The following CAMSAP1 variants were observed in gnomAD, a reference collection of about 807,000 sequenced individuals.
CAMSAP1 encodes calmodulin regulated spectrin associated protein 1.
Under a neutral mutation model 143.5 loss-of-function variants are expected in CAMSAP1, and 58 were observed. The ratio of observed to expected loss-of-function variants is 0.40; its 90% CI spans 0.33 to 0.50. The LOEUF (loss-of-function observed/expected upper bound fraction) is 0.50. CAMSAP1 is among the 20% of genes least tolerant of loss of function. The probability of loss-of-function intolerance (pLI) is 0.45; values close to 1 mark genes in which losing one functional copy is unlikely to be tolerated. For synonymous variants in CAMSAP1, 945 were observed against 859.3 expected, an observed-to-expected ratio of 1.10 and a Z score of -1.74; for missense variants, 1,969 against 2,115.7, an observed-to-expected ratio of 0.93 and a Z score of 1.36.
chr9:135,819,150 C>T lies in CAMSAP1; in HGVS notation c.3823-4G>A, dbSNP rs1235672357. The T allele has an allele frequency of 6.2e-7, 1 of 1,600,092 alleles. No individual in the cohort carries two copies. Among genetic ancestry groups the T allele is most frequent in the Non-Finnish European group, 8.5e-7 (1 of 1,174,868 alleles). On this transcript the variant is annotated splice_polypyrimidine_tract_variant and splice_region_variant and intron_variant, in intron 11 of 16. Transcript: ENST00000389532. ...CATCTTCCGCTTTCTGTTCATCCTG[C>T]AAGACAGAGGCCACACAGAGCATGA...
rs900139381 is a variant in CAMSAP1 at position 135,811,736 on chromosome 9, G to A, written c.4507-125C>T. ...GGAAGCTCTCCCACCCGTCAGCTAC[G>A]GCCTGCCTGTTGTAAACAATTACAG... On this transcript the variant is annotated intron_variant, in intron 16 of 16. Transcript: ENST00000389532. This position sits in a 1 kb window ranked among gnomAD's most constrained non-coding sequence, Gnocchi z 4.9. The A allele has an allele frequency of 1.6e-5, 14 of 851,926 alleles. No individual in the cohort carries two copies. Among genetic ancestry groups the A allele is most frequent in the South Asian group, 6.9e-5 (4 of 57,952 alleles). 52.8% of individuals were successfully genotyped at this position (851,926 alleles called of 1,614,324 possible). A position where few individuals can be genotyped will look rare whatever the true frequency, so the allele number is the denominator to read the frequency against.
At position 135,821,169 on chromosome 9, in the gene CAMSAP1, A is replaced by C. The variant is rs1434788645; in HGVS notation, c.3492T>G (p.Cys1164Trp). The C allele has an allele frequency of 1.9e-6, 3 of 1,611,278 alleles. No homozygotes were observed. Among genetic ancestry groups the C allele is most frequent in the Non-Finnish European group, 2.5e-6 (3 of 1,179,884 alleles). Residue 1164 changes from cysteine to tryptophan, a missense_variant, in exon 11 of 17, where the codon TGT (cysteine) becomes TGG (tryptophan). By Grantham distance (215) the Cys-to-Trp change is radical. Around this residue, in one of 4 missense-constraint regions of CAMSAP1, gnomAD observed 1,390 missense variants for 1,420.8 expected, o/e 0.98. Coordinates refer to ENST00000389532, the MANE Select transcript of CAMSAP1 (RefSeq NM_015447.4). This position sits in a 1 kb window ranked among gnomAD's most constrained non-coding sequence, Gnocchi z 4.6. The stretch of plus-strand genomic sequence containing the variant: ...CATGGAGCCTGTAACTGTCGAAGAG[A>C]CACTTCCCATGTGGGTCACCACTGG... ...LEPSGDPHGK[C>W]LFDSYRLHDE...
chr9:135,902,263 AC>A (rs1653688071), intron 1 of CAMSAP1, among the ~76,000 whole-genome samples: 2 of 152,234 alleles, frequency 1.3e-5, no homozygotes, highest in Non-Finnish European at 2.9e-5. Flanking sequence ...ATTTAAATAT[AC>A]AATCTAAACT....
chr9:135,870,590 A>G (rs1025924995), intron 3 of CAMSAP1, among the ~76,000 whole-genome samples: 3 of 152,120 alleles, frequency 2.0e-5, no homozygotes, highest in African/African-American at 7.2e-5. Flanking sequence ...AGGCGAGGAT[A>G]TCAAGGCAAG....
intron 7 of CAMSAP1, among the ~76,000 whole-genome samples, chr9:135,844,261 A>G (rs1408028303): frequency 3.3e-5 from 5 of 152,230 alleles, no homozygotes; most frequent in Non-Finnish European, 1.5e-5. Flanking sequence ...CTCTCAGACC[A>G]AAGTGCAATC....
In CAMSAP1 at chr9:135,871,959, G is replaced by A. The variant is rs143469941; in HGVS notation, c.586-5423C>T. On this transcript the variant is annotated intron_variant, in intron 3 of 16. Transcript: ENST00000389532. ...CTCTACTAAAAATATAAAATTAGCC[G>A]GGCATAGTGGCAGGCGCCTGTAATC... Among the ~76,000 whole-genome samples, 535 of 152,022 alleles carry A rather than the reference G, an allele frequency of 3.5e-3. 3 individuals carry two copies. The highest frequency in any genetic ancestry group is 0.014 in the Middle Eastern group (4 of 294).
intron 5 of CAMSAP1, among the ~76,000 whole-genome samples, chr9:135,853,577 T>C (rs1363468874): frequency 6.6e-6 from 1 of 152,248 alleles, no homozygotes; most frequent in Non-Finnish European, 1.5e-5. Context: ...CTTGTTTCAG[T>C]CTTCTCCCAA....
chr9:135,837,850 A>G (rs549313372), intron 7 of CAMSAP1, among the ~76,000 whole-genome samples: 7 of 143,824 alleles, frequency 4.9e-5, no homozygotes, highest in African/African-American at 1.8e-4. Flanking sequence ...CGCACTTTCT[A>G]CCCCTTCTAC....
intron 5 of CAMSAP1, among the ~76,000 whole-genome samples, chr9:135,855,914 C>T (rs187786672): frequency 0.015 from 2,293 of 151,820 alleles, 61 homozygotes; most frequent in African/African-American, 0.053. Flanking sequence ...TAGCCGGGCG[C>T]GGTGGCGGGC....
chr9:135,835,593 A>G (rs1012526334), intron 7 of CAMSAP1, among the ~76,000 whole-genome samples: 6 of 152,218 alleles, frequency 3.9e-5, no homozygotes, highest in African/African-American at 1.4e-4. Context: ...AGAAACCAAG[A>G]AAGGATGACT....
intron 4 of CAMSAP1, among the ~76,000 whole-genome samples, chr9:135,864,828 A>G (rs1416036120): frequency 6.6e-6 from 1 of 152,124 alleles, no homozygotes; most frequent in African/African-American, 2.4e-5. Flanking sequence ...TGGCTGCAAC[A>G]CCCGAGGAGG....
chr9:135,867,722 T>G (rs981794561), intron 3 of CAMSAP1, among the ~76,000 whole-genome samples: 1 of 152,182 alleles, frequency 6.6e-6, no homozygotes, highest in African/African-American at 2.4e-5. Flanking sequence ...AACATTTGCT[T>G]GTAACTCTGA....
intron 5 of CAMSAP1, among the ~76,000 whole-genome samples, chr9:135,853,925 C>G (rs2130911923): frequency 6.6e-6 from 1 of 152,336 alleles, no homozygotes; most frequent in South Asian, 2.1e-4. Context: ...ACAAGTGATT[C>G]CCTGCCCTTA....
intron 2 of CAMSAP1, among the ~76,000 whole-genome samples, 153 bp from the exon 3 acceptor site, chr9:135,881,947 C>T (rs140614192): frequency 6.6e-6 from 1 of 152,344 alleles, no homozygotes; most frequent in Non-Finnish European, 1.5e-5. Flanking sequence ...GACCTGCCTC[C>T]CCCGCACCAT....
intron 1 of CAMSAP1, among the ~76,000 whole-genome samples, chr9:135,885,123 C>A (rs968372620): frequency 1.3e-5 from 2 of 152,192 alleles, no homozygotes; most frequent in Non-Finnish European, 2.9e-5. Context: ...CCTCCCATCT[C>A]GCTGCCTGCT....
chr9:135,862,428 C>G, intron 5 of CAMSAP1, 39 bp downstream of exon 5: 13 of 1,546,366 alleles, frequency 8.4e-6, no homozygotes, highest in Non-Finnish European at 1.1e-5. Context: ...TTCCTTTAAG[C>G]CTTTTCGGAT....
chr9:135,854,302 T>C (rs961723693), intron 5 of CAMSAP1, among the ~76,000 whole-genome samples: 11 of 152,244 alleles, frequency 7.2e-5, no homozygotes, highest in African/African-American at 2.7e-4. Context: ...GGCACACAAA[T>C]ATTCTCAGTA....
chr9:135,875,497 C>G (rs886643805), intron 3 of CAMSAP1, among the ~76,000 whole-genome samples: 1 of 152,162 alleles, frequency 6.6e-6, no homozygotes, highest in African/African-American at 2.4e-5. Context: ...AGGCATGAGC[C>G]ACCACGCCCA....
At chr9:135,827,651 C>G in intron 7 of CAMSAP1, 67 bp from the exon 8 acceptor site, 1 of 1,382,896 alleles carries the variant, frequency 7.2e-7, no homozygotes, top group Middle Eastern at 2.1e-4. Flanking sequence ...ACCTAACCTG[C>G]AGCTTTTATA....
Sources: gnomAD v4.1 joint callset for allele counts (sites outside exome capture counted in the v4.1 genomes callset) on GRCh38, gnomAD v4.1.1 for gene constraint, gnomAD v4.1.1 regional missense constraint, Gnocchi (gnomAD v3.1) non-coding constraint, MANE v1.5 for transcripts, NCBI Gene and HGNC (gene_info 2026-07-23, HGNC 2026-07-21) for gene names.